ATRN: variants seen among roughly 807,000 people sequenced by gnomAD.
ATRN encodes the protein attractin, also known as attractin-2.
Under a neutral mutation model 178.7 loss-of-function variants are expected in ATRN, and 54 were observed. The ratio of observed to expected loss-of-function variants is 0.30; its 90% CI spans 0.24 to 0.38. The LOEUF (loss-of-function observed/expected upper bound fraction) is 0.38, where lower values mean the gene tolerates loss of function less well. Ranked by LOEUF, ATRN falls within the 10% of genes least tolerant of loss-of-function variation. The probability of loss-of-function intolerance (pLI) is 1.00; values close to 1 mark genes in which losing one functional copy is unlikely to be tolerated. For synonymous variants in ATRN, 636 were observed against 663.0 expected, an observed-to-expected ratio of 0.96 and a Z score of 0.63; for missense variants, 1,443 against 1,815.1, an observed-to-expected ratio of 0.79 and a Z score of 3.73.
intron 1 of ATRN, among the ~76,000 whole-genome samples, chr20:3,519,737 T>TGAAAA (rs200880496): frequency 9.9e-5 from 15 of 151,482 alleles, no homozygotes; most frequent in East Asian, 9.7e-4. Context: ...ACTATTGAAA[T>TGAAAA]GAAAAGAAAA....
At chr20:3,484,052 A>G (rs1021772986) in intron 1 of ATRN, among the ~76,000 whole-genome samples, 4 of 152,128 alleles carry the variant, frequency 2.6e-5, no homozygotes, top group East Asian at 1.9e-4. Flanking sequence ...GTTTGAGACC[A>G]GTCTGGGCAA....
chr20:3,563,449 A>AAAATT, intron 10 of ATRN, 86 bp downstream of exon 10: 2 of 1,375,718 alleles, frequency 1.5e-6, no homozygotes, highest in Non-Finnish European at 2.0e-6. Context: ...AAATATTGCC[A>AAAATT]GTTCAAAATG....
chr20:3,612,935 G>A (rs1420833044), intron 24 of ATRN, among the ~76,000 whole-genome samples: 1 of 152,148 alleles, frequency 6.6e-6, no homozygotes, highest in African/African-American at 2.4e-5. Context: ...TGTTGCCAAT[G>A]CCGAGTTTTT....
At chr20:3,515,443 A>C (rs1568700142) in intron 1 of ATRN, among the ~76,000 whole-genome samples, 1 of 152,162 alleles carries the variant, frequency 6.6e-6, no homozygotes, top group Non-Finnish European at 1.5e-5. Flanking sequence ...AACTGAGAAG[A>C]AGCTGCCAGG....
chr20:3,542,888 C>G (rs990716335), intron 3 of ATRN, among the ~76,000 whole-genome samples: 1 of 151,520 alleles, frequency 6.6e-6, no homozygotes. Context: ...GTCCTCCCAC[C>G]TTGGCCTCCC....
intron 1 of ATRN, among the ~76,000 whole-genome samples, chr20:3,532,696 A>G (rs1473072379): frequency 2.6e-5 from 4 of 152,094 alleles, no homozygotes; most frequent in South Asian, 2.1e-4. Flanking sequence ...GGCCTGACAA[A>G]GGGGAACTGT....
intron 4 of ATRN, among the ~76,000 whole-genome samples, chr20:3,546,603 G>A (rs1034681757): frequency 1.3e-5 from 2 of 151,964 alleles, no homozygotes; most frequent in Admixed American, 1.3e-4. Context: ...ATGTTGGCCA[G>A]GCTGGTCTTG....
intron 25 of ATRN, among the ~76,000 whole-genome samples, chr20:3,630,773 G>T (rs1374877728): frequency 6.6e-6 from 1 of 152,136 alleles, no homozygotes; most frequent in African/African-American, 2.4e-5. Context: ...TTCTGGAAAA[G>T]AATCCGGAAC....
intron 6 of ATRN, among the ~76,000 whole-genome samples, chr20:3,558,957 G>A (rs1475449405): frequency 6.6e-6 from 1 of 151,950 alleles, no homozygotes; most frequent in African/African-American, 2.4e-5. Flanking sequence ...TGTATTTTTA[G>A]TCAATTATAT....
intron 1 of ATRN, among the ~76,000 whole-genome samples, chr20:3,531,029 A>G (rs1183407615): frequency 6.6e-6 from 1 of 152,124 alleles, no homozygotes; most frequent in East Asian, 1.9e-4. Flanking sequence ...CCTTTGTGTG[A>G]CTGCCAGTGA....
chr20:3,490,506 A>G, intron 1 of ATRN: 2 of 1,191,000 alleles, frequency 1.7e-6, no homozygotes, highest in Admixed American at 3.4e-5. Flanking sequence ...TAGGAATGTC[A>G]AATAATTGGT....
intron 18 of ATRN, among the ~76,000 whole-genome samples, chr20:3,587,334 A>G (rs1005203027): frequency 3.9e-5 from 6 of 152,128 alleles, no homozygotes; most frequent in Admixed American, 2.0e-4. Flanking sequence ...TTTGCTCCTA[A>G]GTTTTCTTTG....
intron 15 of ATRN, among the ~76,000 whole-genome samples, chr20:3,580,374 C>G (rs1432415245): frequency 6.6e-6 from 1 of 152,228 alleles, no homozygotes; most frequent in Admixed American, 6.5e-5. Context: ...TTCTAATCTG[C>G]TGTGGCCACG....
chr20:3,528,369 A>G (rs544036874), intron 1 of ATRN, among the ~76,000 whole-genome samples: 2 of 152,090 alleles, frequency 1.3e-5, no homozygotes, highest in South Asian at 4.2e-4. Context: ...TCCGTCTCAA[A>G]AAAAAAAAAT....
chr20:3,489,354 A>T (rs775092027), intron 1 of ATRN, among the ~76,000 whole-genome samples: 1 of 152,214 alleles, frequency 6.6e-6, no homozygotes, highest in Non-Finnish European at 1.5e-5. Context: ...TATAAAACAG[A>T]TAAAACACAT....
At chr20:3,615,445 T>A (rs959733976) in intron 24 of ATRN, among the ~76,000 whole-genome samples, 14 of 150,028 alleles carry the variant, frequency 9.3e-5, no homozygotes, top group East Asian at 5.9e-4. Context: ...AAAAAAAAAA[T>A]TTTTCTTTAT....
In ATRN at chr20:3,638,781, C is replaced by T; in HGVS notation, c.3943-47C>T. On this transcript the variant is annotated intron_variant, in intron 26 of 28. Coordinates refer to ENST00000262919, the MANE Select transcript of ATRN (RefSeq NM_139321.3). The surrounding 1 kb of genome is among the most constrained non-coding windows in gnomAD (Gnocchi z 4.5). ...AACATGTAGCATTAACTAATAAAAC[C>T]CCTTCAGTACTCATTCCATTAATGG... is the stretch of plus-strand genomic sequence containing the variant. 1 of 1,525,558 alleles carries T rather than the reference C, an allele frequency of 6.6e-7. No homozygotes were observed. Among genetic ancestry groups the T allele is most frequent in the Non-Finnish European group, 9.1e-7 (1 of 1,104,542 alleles). The allele number at this position is 1,525,558 out of a possible 1,614,324, so 94.5% of individuals were successfully genotyped here. A position where few individuals can be genotyped will look rare whatever the true frequency, so the allele number is the denominator to read the frequency against.
chr20:3,594,458 G>T lies in ATRN; in HGVS notation c.3323-21G>T, dbSNP rs754185320. ...ATTTTTTAAGCCAGTTGTGACCTCT[G>T]TTCCTTTTTCTTCTCTGCAGCATGC... On this transcript the variant is annotated intron_variant, in intron 19 of 28. Transcript: ENST00000262919. The T allele has an allele frequency of 1.1e-5, 17 of 1,580,550 alleles. 1 individual carries two copies. In the South Asian group the frequency reaches 1.3e-4, roughly 12 times the overall value.
At chr20:3,596,303 G>C (rs1568753793) in intron 20 of ATRN, 74 bp from the exon 21 acceptor site, 2 of 1,397,996 alleles carry the variant, frequency 1.4e-6, no homozygotes, top group East Asian at 2.3e-5. Flanking sequence ...TATATAAAAG[G>C]ATCTGTTTGG....
Sources: allele counts gnomAD v4.1 joint callset (sites outside exome capture counted in the v4.1 genomes callset), GRCh38; gene constraint gnomAD v4.1.1; non-coding constraint Gnocchi (gnomAD v3.1); transcripts MANE v1.5; gene names NCBI Gene and HGNC (gene_info 2026-07-23, HGNC 2026-07-21).